The following ULK4 variants were observed in gnomAD, a reference collection of about 807,000 sequenced individuals.
ULK4 encodes the protein inactive serine/threonine-protein kinase ULK4.
Under a neutral mutation model 160.6 loss-of-function variants are expected in ULK4, and 133 were observed. The observed-to-expected ratio is 0.83, with a 90% confidence interval of 0.72 to 0.96. ULK4 has a LOEUF of 0.96. Ranked by LOEUF, ULK4 falls within the 40% of genes least tolerant of loss-of-function variation. The pLI, the probability that ULK4 is intolerant of heterozygous loss-of-function variation, is 0.00. For synonymous variants in ULK4, 534 were observed against 539.8 expected (o/e 0.99, Z 0.15); for missense variants, 1,580 against 1,499.5 (o/e 1.05, Z -0.89).
intron 15 of ULK4, among the ~76,000 whole-genome samples, chr3:41,896,241 T>C (rs934020887): frequency 1.3e-5 from 2 of 152,122 alleles, no homozygotes; most frequent in African/African-American, 4.8e-5. Flanking sequence ...GTCTGTCTTA[T>C]GATATCACTT....
At chr3:41,731,460 A>G (rs1483799418) in intron 22 of ULK4, among the ~76,000 whole-genome samples, 1 of 152,082 alleles carries the variant, frequency 6.6e-6, no homozygotes, top group African/African-American at 2.4e-5. Flanking sequence ...ACTATGTAAC[A>G]GTGATGAAGA....
intron 35 of ULK4, among the ~76,000 whole-genome samples, chr3:41,305,199 T>G (rs911210902): frequency 3.0e-5 from 4 of 133,556 alleles, no homozygotes; most frequent in African/African-American, 1.2e-4. Context: ...TCCCTCTCCC[T>G]CTCCCTCTCC....
intron 29 of ULK4, among the ~76,000 whole-genome samples, chr3:41,669,808 A>G (rs897810478): frequency 2.6e-5 from 4 of 152,354 alleles, no homozygotes; most frequent in South Asian, 2.1e-4. Context: ...ATATAAATGT[A>G]GATATAGTCA....
intron 21 of ULK4, among the ~76,000 whole-genome samples, chr3:41,757,368 C>G (rs1575657308): frequency 6.6e-6 from 1 of 152,084 alleles, no homozygotes; most frequent in Non-Finnish European, 1.5e-5. Flanking sequence ...CACAGTGGCT[C>G]ACGCCTGTAA....
intron 2 of ULK4, among the ~76,000 whole-genome samples, chr3:41,942,907 C>G (rs1389452177): frequency 1.3e-5 from 2 of 151,888 alleles, no homozygotes; most frequent in East Asian, 3.9e-4. Flanking sequence ...TGTATACTGG[C>G]TTTAGAAATA....
intron 17 of ULK4, among the ~76,000 whole-genome samples, chr3:41,843,437 G>A (rs1483744759): frequency 3.3e-5 from 5 of 152,170 alleles, no homozygotes; most frequent in Non-Finnish European, 5.9e-5. Flanking sequence ...AAGGCGGTGT[G>A]TCGGGAGTTT....
chr3:41,342,013 G>A (rs963623992), intron 35 of ULK4, among the ~76,000 whole-genome samples: 1 of 152,330 alleles, frequency 6.6e-6, no homozygotes, highest in South Asian at 2.1e-4. Flanking sequence ...GTCAATTGAA[G>A]TGATTTTGGG....
chr3:41,819,136 C>T (rs1035642974), intron 19 of ULK4, among the ~76,000 whole-genome samples: 4 of 152,068 alleles, frequency 2.6e-5, no homozygotes, highest in African/African-American at 9.7e-5. Flanking sequence ...AGGGGGAGTG[C>T]GGAGGGTAAT....
chr3:41,616,967 C>A (rs1204154237), intron 30 of ULK4, among the ~76,000 whole-genome samples: 1 of 152,214 alleles, frequency 6.6e-6, no homozygotes, highest in Non-Finnish European at 1.5e-5. Flanking sequence ...TCTGCCATTA[C>A]TGAGACTTTA....
intron 35 of ULK4, among the ~76,000 whole-genome samples, chr3:41,382,589 T>C (rs2081682180): frequency 6.6e-6 from 1 of 152,188 alleles, no homozygotes; most frequent in Non-Finnish European, 1.5e-5. Flanking sequence ...AACTCCTGTG[T>C]TATAAAATAA....
chr3:41,507,303 G>A (rs956530086), intron 32 of ULK4, among the ~76,000 whole-genome samples: 2 of 151,400 alleles, frequency 1.3e-5, no homozygotes, highest in African/African-American at 2.4e-5. Context: ...GTGAAATTGT[G>A]AAAACTACTA....
At chr3:41,912,947 T>G in intron 8 of ULK4, 48 bp from the exon 9 acceptor site, 1 of 1,583,430 alleles carries the variant, frequency 6.3e-7, no homozygotes, top group Middle Eastern at 1.7e-4. Flanking sequence ...TGATTTACCA[T>G]GAAAAATTCC....
chr3:41,541,492 G>T (rs1005082179), intron 32 of ULK4, among the ~76,000 whole-genome samples: 2 of 152,138 alleles, frequency 1.3e-5, no homozygotes. Context: ...TTTTGCTTAG[G>T]ATTGTCTTGG....
intron 35 of ULK4, among the ~76,000 whole-genome samples, chr3:41,354,991 A>G (rs2080999985): frequency 6.6e-6 from 1 of 152,182 alleles, no homozygotes; most frequent in Non-Finnish European, 1.5e-5. Context: ...GTTCCTGTTC[A>G]TCAATTCTAA....
intron 29 of ULK4, among the ~76,000 whole-genome samples, chr3:41,670,076 G>C (rs1258191876): frequency 1.3e-5 from 2 of 152,172 alleles, no homozygotes; most frequent in Non-Finnish European, 2.9e-5. Context: ...GGAAGGATTT[G>C]AGGAAGGTAA....
intron 22 of ULK4, among the ~76,000 whole-genome samples, chr3:41,746,272 C>CCAAAAAAAAAAAAAAAAA (rs2038416207): frequency 2.2e-5 from 1 of 45,728 alleles, no homozygotes; most frequent in African/African-American, 1.1e-4. Context: ...CTGGAACCCA[C>CCAAAAAAAAAAAAAAAAA]AAAAAAAAAA....
intron 30 of ULK4, among the ~76,000 whole-genome samples, chr3:41,647,630 CT>C (rs1314496363): frequency 6.6e-6 from 1 of 152,210 alleles, no homozygotes; most frequent in African/African-American, 2.4e-5. Flanking sequence ...AGTTAGGCTG[CT>C]TGGGGGTCAG....
At position 41,559,062 on chromosome 3, in the gene ULK4, T is replaced by A. The variant is rs190269787; in HGVS notation, c.3226+6963A>T. Among the ~76,000 whole-genome samples the A allele has an allele frequency of 1.3e-4, 20 of 148,596 alleles. 2 individuals carry two copies. In the East Asian group the frequency reaches 3.7e-3, roughly 27 times the overall value. ...CCACAACAGGCCCCGGTGTATCATG[T>A]TCCCCTTCCTGTGTCCATATGTTCT... is the stretch of plus-strand genomic sequence containing the variant. On this transcript the variant is annotated intron_variant, in intron 32 of 36. Coordinates refer to ENST00000301831, the MANE Select transcript of ULK4 (RefSeq NM_017886.4).
At chr3:41,742,972 TAGG>T (rs2038292357) in intron 22 of ULK4, among the ~76,000 whole-genome samples, 1 of 151,766 alleles carries the variant, frequency 6.6e-6, no homozygotes, top group African/African-American at 2.4e-5. Flanking sequence ...CAGGGATCAG[TAGG>T]AGAATAACAA....
Sources: allele counts gnomAD v4.1 joint callset (sites outside exome capture counted in the v4.1 genomes callset), GRCh38; gene constraint gnomAD v4.1.1; transcripts MANE v1.5; gene names NCBI Gene and HGNC (gene_info 2026-07-23, HGNC 2026-07-21).